SCN8A: variants seen among roughly 807,000 people sequenced by gnomAD.
The protein encoded by SCN8A is sodium voltage-gated channel alpha subunit 8.
In SCN8A, 30 loss-of-function variants were observed where a neutral mutation model predicts 184.1. The observed-to-expected ratio is 0.16, with a 90% CI of 0.12 to 0.22. SCN8A has a LOEUF of 0.22. SCN8A is among the 10% of genes least tolerant of loss of function. SCN8A has a pLI of 1.00. For synonymous variants in SCN8A, 852 were observed against 907.0 expected (o/e 0.94, Z 1.09); for missense variants, 1,057 against 2,498.9 (o/e 0.42, Z 12.30).
intron 14 of SCN8A, among the ~76,000 whole-genome samples, chr12:51,755,473 C>T (rs1160288027): frequency 6.6e-6 from 1 of 152,156 alleles, no homozygotes; most frequent in Non-Finnish European, 1.5e-5. Context: ...CTGGAATCAG[C>T]CATTTCTCAA....
intron 18 of SCN8A, 54 bp from the exon 19 acceptor site, chr12:51,770,475 G>A: frequency 6.6e-7 from 1 of 1,506,968 alleles, no homozygotes; most frequent in Non-Finnish European, 8.9e-7. Context: ...GGAGAGGGCA[G>A]GTCTGGGCGG....
At chr12:51,646,009 T>A (rs1456926712) in intron 1 of SCN8A, among the ~76,000 whole-genome samples, 4 of 123,366 alleles carry the variant, frequency 3.2e-5, no homozygotes, top group East Asian at 2.2e-4. Flanking sequence ...AAGATAAAAG[T>A]AAAAAAAAAA....
chr12:51,606,936 C>T (rs762173909), intron 1 of SCN8A, among the ~76,000 whole-genome samples: 80 of 150,506 alleles, frequency 5.3e-4, no homozygotes, highest in Middle Eastern at 3.4e-3. Context: ...CTTGCTCTGT[C>T]GGCCAGGCTG....
rs60637 is a variant in SCN8A, at chr12:51,806,958, C to A, written c.5472C>A (p.Pro1824=). Residue 1824 remains proline, a synonymous_variant, in exon 27 of 27, where the codon CCC becomes CCA. Transcript: ENST00000627620. This position sits in a 1 kb window ranked among gnomAD's most constrained non-coding sequence, Gnocchi z 8.7. ...AGCATCCTCTCCGAGTGCCCAAGCC[C>A]AATACCATTGAGCTCATCGCTATGG... ...ALEHPLRVPK[P]NTIELIAMDL... is the part of the protein sequence containing the mutation. 1,125,606 of 1,613,622 alleles carry A rather than the reference C, an allele frequency of 0.7. 406,832 individuals are homozygous for A. Among genetic ancestry groups the A allele is most frequent in the Non-Finnish European group, 0.75 (887,697 of 1,179,802 alleles).
intron 7 of SCN8A, among the ~76,000 whole-genome samples, chr12:51,700,183 A>AAAC (rs1941662788): frequency 7.1e-6 from 1 of 141,742 alleles, no homozygotes; most frequent in Non-Finnish European, 1.5e-5. Context: ...AAAAAAAAAC[A>AAAC]AAAAAAAAAA....
chr12:51,689,175 C>A, intron 6 of SCN8A, 79 bp downstream of exon 6: 1 of 1,079,570 alleles, frequency 9.3e-7, no homozygotes, highest in Non-Finnish European at 1.4e-6. Context: ...CATTCTAAAG[C>A]AGCATCAGTA....
intron 13 of SCN8A, among the ~76,000 whole-genome samples, chr12:51,749,481 A>G (rs1166683200): frequency 6.6e-5 from 10 of 152,212 alleles, no homozygotes. Flanking sequence ...ATTTCCAAAT[A>G]TGTACTGTAA....
rs540221254 is a variant in SCN8A, at chr12:51,624,878, C to A, written c.-55+33519C>A. ...CGTTTATTAAATAGGGAATCCTTTC[C>A]CCATTTCTTGTTCAAAACACTATTT... On this transcript the variant is annotated intron_variant, in intron 1 of 26. Transcript: ENST00000627620. Among the ~76,000 whole-genome samples the A allele has an allele frequency of 1.1e-3, 161 of 152,136 alleles. 1 individual carries two copies. The highest frequency in any genetic ancestry group is 3.7e-3 in the African/African-American group (155 of 41,496).
At chr12:51,640,197 A>T (rs1426674182) in intron 1 of SCN8A, among the ~76,000 whole-genome samples, 1 of 116,252 alleles carries the variant, frequency 8.6e-6, no homozygotes, top group East Asian at 2.7e-4. Flanking sequence ...GGATATGAGC[A>T]CATGTGCCTG....
chr12:51,728,382 C>A (rs1290459169), intron 12 of SCN8A, among the ~76,000 whole-genome samples: 3 of 152,064 alleles, frequency 2.0e-5, no homozygotes, highest in Non-Finnish European at 4.4e-5. Flanking sequence ...TGCAGGAAGC[C>A]AGGTTGCTGT....
At chr12:51,734,708 A>G (rs536129728) in intron 12 of SCN8A, among the ~76,000 whole-genome samples, 2 of 152,348 alleles carry the variant, frequency 1.3e-5, no homozygotes, top group African/African-American at 4.8e-5. Context: ...GCTTGCTCCC[A>G]ACGTGTCTCC....
intron 11 of SCN8A, among the ~76,000 whole-genome samples, chr12:51,721,145 TG>T (rs1196675840): frequency 2.1e-5 from 3 of 142,280 alleles, no homozygotes; most frequent in Non-Finnish European, 3.1e-5. Flanking sequence ...ATTTATTTAT[TG>T]TTATATATAT....
chr12:51,784,474 G>GA (rs1451882749), intron 21 of SCN8A, among the ~76,000 whole-genome samples: 1 of 152,100 alleles, frequency 6.6e-6, no homozygotes, highest in East Asian at 1.9e-4. Context: ...AGAATCGCTT[G>GA]AACCTGAGAA....
At chr12:51,608,302 G>A (rs888527725) in intron 1 of SCN8A, among the ~76,000 whole-genome samples, 7 of 151,982 alleles carry the variant, frequency 4.6e-5, no homozygotes, top group African/African-American at 1.7e-4. Flanking sequence ...GAGCCACCGC[G>A]CCTGGCCTGG....
chr12:51,769,575 A>G (rs945761310), intron 17 of SCN8A, among the ~76,000 whole-genome samples: 15 of 152,296 alleles, frequency 9.8e-5, no homozygotes, highest in Non-Finnish European at 2.1e-4. Flanking sequence ...AGGCTGGGAT[A>G]AGCCCTCGAG....
intron 20 of SCN8A, chr12:51,780,087 T>G (rs1308554360): frequency 3.3e-6 from 1 of 304,180 alleles, no homozygotes; most frequent in Non-Finnish European, 6.8e-6. Context: ...AACAAATGGT[T>G]TTTTGTCAAC....
chr12:51,603,097 T>C (rs1040972185), intron 1 of SCN8A, among the ~76,000 whole-genome samples: 1 of 152,198 alleles, frequency 6.6e-6, no homozygotes, highest in Non-Finnish European at 1.5e-5. Context: ...TATAGGTTCA[T>C]GTAACCGTGC....
Position 51,811,560 on chromosome 12 carries a change from A to G in SCN8A, c.*4131A>G, listed in dbSNP as rs914773161. Reference sequence around the variant, plus strand: ...AAGCTCATACTGGGCCCTGCCCTCCATCGCCCCAGACAGGCCCACAGACGA... The same window carrying G: ...AAGCTCATACTGGGCCCTGCCCTCCGTCGCCCCAGACAGGCCCACAGACGA... On this transcript the variant is annotated 3_prime_UTR_variant, in exon 27 of 27. Coordinates refer to ENST00000627620, the MANE Select transcript of SCN8A (RefSeq NM_001330260.2). 6.6e-6 allele frequency: 1 copy of G among 152,446 alleles called. No individual in the cohort carries two copies. The highest frequency in any genetic ancestry group is 1.5e-5 in the Non-Finnish European group (1 of 68,218). 9.4% of individuals were successfully genotyped at this position (152,446 alleles called of 1,614,324 possible).
chr12:51,638,453 T>C (rs1940367691), intron 1 of SCN8A, among the ~76,000 whole-genome samples: 1 of 152,044 alleles, frequency 6.6e-6, no homozygotes, highest in African/African-American at 2.4e-5. Flanking sequence ...GAGGTCAAAA[T>C]GTCAACGTCA....
Sources: gnomAD v4.1 joint callset for allele counts (sites outside exome capture counted in the v4.1 genomes callset) on GRCh38, gnomAD v4.1.1 for gene constraint, Gnocchi (gnomAD v3.1) non-coding constraint, MANE v1.5 for transcripts, NCBI Gene and HGNC (gene_info 2026-07-23, HGNC 2026-07-21) for gene names.